The following IL1RN variants were observed in gnomAD, a reference collection of about 807,000 sequenced individuals.
IL1RN encodes interleukin-1 receptor antagonist protein.
Under a neutral mutation model 13.7 loss-of-function variants are expected in IL1RN, and 10 were observed. The ratio of observed to expected loss-of-function variants is 0.73; its 90% CI spans 0.45 to 1.24. The LOEUF is 1.24. IL1RN is among the 50% of genes most tolerant of loss of function. IL1RN has a pLI of 0.00. For synonymous variants in IL1RN, 102 were observed against 82.7 expected, an observed-to-expected ratio of 1.23 and a Z score of -1.27; for missense variants, 213 against 222.1, an observed-to-expected ratio of 0.96 and a Z score of 0.26.
intron 1 of IL1RN, among the ~76,000 whole-genome samples, chr2:113,118,184 G>A (rs940411499): frequency 3.9e-5 from 6 of 152,236 alleles, no homozygotes; most frequent in African/African-American, 1.2e-4. Flanking sequence ...ATCTGGGCAC[G>A]GGGAGGCATC....
chr2:113,099,881 C>T, the IL1RN span, among the ~76,000 whole-genome samples: 1 of 145,654 alleles, frequency 6.9e-6, no homozygotes, highest in African/African-American at 2.5e-5. Context: ...ACTACAGGCA[C>T]CTGCCACCAC....
In IL1RN at chr2:113,127,704, C is replaced by A. The variant is rs777003410; in HGVS notation, c.80C>A (p.Pro27His). 5 of 1,614,054 alleles carry A rather than the reference C, an allele frequency of 3.1e-6. No homozygotes were observed. The South Asian group carries it at 5.5e-5, about 18-fold the overall frequency. Residue 27 changes from proline to histidine, a missense_variant, in exon 1 of 4, where the codon CCC becomes CAC. Pro to His is a moderately conservative substitution (Grantham distance 77). Coordinates refer to ENST00000409930, the MANE Select transcript of IL1RN (RefSeq NM_173842.3). ...FLFHSETICR[P>H]SGRKSSKMQA... ...TTCCATTCAGAGACGATCTGCCGAC[C>A]CTCTGGGAGAAAATCCAGCAAGATG...
At chr2:113,116,303 T>G (rs1686589727), upstream of IL1RN, among the ~76,000 whole-genome samples, 1 of 152,224 alleles carries the variant, frequency 6.6e-6, no homozygotes, top group Admixed American at 6.5e-5. Context: ...AGTTGACATT[T>G]ACGAAGTTTC....
chr2:113,105,401 A>G (rs1429728476), upstream of IL1RN, among the ~76,000 whole-genome samples: 2 of 152,238 alleles, frequency 1.3e-5, no homozygotes, highest in African/African-American at 4.8e-5. Context: ...CTCAGTAATC[A>G]TTATGTCACT....
intron 2 of IL1RN, among the ~76,000 whole-genome samples, chr2:113,121,063 C>CTTCTTCT (rs1686762042): frequency 8.4e-6 from 1 of 119,100 alleles, no homozygotes; most frequent in African/African-American, 3.0e-5. Flanking sequence ...CTTCTTCCTC[C>CTTCTTCT]TCCTCCTCCT....
At chr2:113,112,077 C>G (rs900292352) in intron 1 of IL1RN, among the ~76,000 whole-genome samples, 1 of 152,220 alleles carries the variant, frequency 6.6e-6, no homozygotes, top group African/African-American at 2.4e-5. Context: ...ATCACCCGTT[C>G]CTGTTACTGA....
At chr2:113,105,960 A>G (rs958151606), upstream of IL1RN, among the ~76,000 whole-genome samples, 6 of 152,232 alleles carry the variant, frequency 3.9e-5, no homozygotes, top group African/African-American at 1.4e-4. Flanking sequence ...AGTTGGAACA[A>G]GAGCCTATTG....
chr2:113,111,525 C>T (rs1035882551), intron 1 of IL1RN, among the ~76,000 whole-genome samples: 9 of 152,214 alleles, frequency 5.9e-5, no homozygotes, highest in African/African-American at 2.2e-4. Flanking sequence ...CACAACCCCA[C>T]GACTATCCAT....
rs114004306 is a variant in IL1RN, at chr2:113,132,701, C to T, written c.364C>T (p.Arg122Cys). ...DLSENRKQDK[R>C]FAFIRSDSGP... The stretch of plus-strand genomic sequence containing the variant: ...GAGCGAGAACAGAAAGCAGGACAAG[C>T]GCTTCGCCTTCATCCGCTCAGACAG... The change falls in exon 4 of 4, where the codon CGC becomes TGC. Residue 122 changes from arginine to cysteine, a missense_variant. Arg to Cys is a radical substitution (Grantham distance 180). Transcript: ENST00000409930. The T allele has an allele frequency of 5.0e-6, 8 of 1,614,234 alleles. No individual in the cohort carries two copies. In the East Asian group the frequency reaches 6.7e-5, roughly 13 times the overall value.
the IL1RN span, among the ~76,000 whole-genome samples, chr2:113,100,140 G>A: frequency 2.0e-5 from 3 of 147,802 alleles, no homozygotes; most frequent in African/African-American, 4.9e-5. Context: ...GGCTAACATG[G>A]TGAAACCCCG....
chr2:113,109,400 G>A (rs573973676), upstream of IL1RN, among the ~76,000 whole-genome samples: 34 of 110,246 alleles, frequency 3.1e-4, no homozygotes, highest in East Asian at 6.3e-3. Flanking sequence ...CAGCAAGAGC[G>A]AAACGCCATC....
chr2:113,111,891 A>G (rs967768870), intron 1 of IL1RN, among the ~76,000 whole-genome samples: 16 of 152,296 alleles, frequency 1.1e-4, no homozygotes, highest in African/African-American at 3.9e-4. Context: ...TTTTTACAAC[A>G]GAACGAGACA....
chr2:113,127,810 A>AG, intron 1 of IL1RN, 70 bp downstream of exon 1: 1 of 1,499,474 alleles, frequency 6.7e-7, no homozygotes, highest in Non-Finnish European at 9.2e-7. Context: ...CACAGCTGCC[A>AG]GGGGCTGCCA....
chr2:113,121,197 T>C (rs959172443), intron 2 of IL1RN, among the ~76,000 whole-genome samples: 7 of 152,244 alleles, frequency 4.6e-5, no homozygotes, highest in African/African-American at 1.4e-4. Context: ...ATTAAGAAAG[T>C]AAAGGAATAA....
At position 113,127,720 on chromosome 2, in the gene IL1RN, C is replaced by A; in HGVS notation, c.96C>A (p.Ser32=). The part of the protein sequence containing the change: ...ETICRPSGRK[S]SKMQAFRIWD... ...TCTGCCGACCCTCTGGGAGAAAATC[C>A]AGCAAGATGCAAGCCTTCAGGTAAG... Residue 32 remains serine (S), a synonymous_variant, in exon 1 of 4, where the codon TCC becomes TCA. Coordinates refer to ENST00000409930, the MANE Select transcript of IL1RN (RefSeq NM_173842.3). 1 of 1,614,030 alleles carries A rather than the reference C, an allele frequency of 6.2e-7. No homozygotes were observed.
chr2:113,127,518 G>T (rs545407993), upstream of IL1RN: 2 of 1,490,398 alleles, frequency 1.3e-6, no homozygotes, highest in South Asian at 1.3e-5. Flanking sequence ...TCCGCTTCTC[G>T]CAGTGGGGCA....
At chr2:113,132,590 T>G in intron 3 of IL1RN, 66 bp from the exon 4 acceptor site, 1 of 1,419,206 alleles carries the variant, frequency 7.0e-7, no homozygotes, top group Non-Finnish European at 1.0e-6. Context: ...TGGCGTGGAG[T>G]GGAGAGGGAG....
At chr2:113,129,832 T>C in intron 2 of IL1RN, 168 bp downstream of exon 2, 1 of 638,094 alleles carries the variant, frequency 1.6e-6, no homozygotes, top group Admixed American at 2.2e-5. Flanking sequence ...GAAGGGCACA[T>C]ATGAGGGCAG....
At chr2:113,104,361 T>C (rs1299875664), upstream of IL1RN, among the ~76,000 whole-genome samples, 2 of 152,108 alleles carry the variant, frequency 1.3e-5, no homozygotes, top group Admixed American at 6.5e-5. Context: ...GTGGGTGTTC[T>C]GGGGGATGTT....
Sources: allele counts gnomAD v4.1 joint callset (sites outside exome capture counted in the v4.1 genomes callset), GRCh38; gene constraint gnomAD v4.1.1; transcripts MANE v1.5; gene names NCBI Gene and HGNC (gene_info 2026-07-23, HGNC 2026-07-21).